The following PTPRN2 variants were observed in gnomAD, a reference collection of about 807,000 sequenced individuals.
PTPRN2 encodes the protein receptor-type tyrosine-protein phosphatase N2.
In PTPRN2, 74 loss-of-function variants were observed where a neutral mutation model predicts 118.8. That is an observed-to-expected ratio of 0.62 (90% CI 0.52 to 0.76). PTPRN2 has a LOEUF of 0.76. Among genes scored for constraint, PTPRN2 ranks in the 30% least tolerant of loss-of-function variants. PTPRN2 has a pLI of 0.00. For synonymous variants in PTPRN2, 641 were observed against 608.0 expected, an observed-to-expected ratio of 1.05 and a Z score of -0.80; for missense variants, 1,481 against 1,394.4, an observed-to-expected ratio of 1.06 and a Z score of -0.99.
intron 2 of PTPRN2, among the ~76,000 whole-genome samples, chr7:158,482,860 A>C (rs1333092308): frequency 1.3e-5 from 2 of 152,338 alleles, no homozygotes; most frequent in East Asian, 1.9e-4. Context: ...CGCTACCTCA[A>C]AATATGGCAG....
At chr7:157,883,523 G>A (rs1796282623) in intron 12 of PTPRN2, among the ~76,000 whole-genome samples, 1 of 144,598 alleles carries the variant, frequency 6.9e-6, no homozygotes, top group African/African-American at 2.6e-5. Flanking sequence ...GACTGTTGGA[G>A]ATCAGAACAC....
intron 11 of PTPRN2, among the ~76,000 whole-genome samples, chr7:157,991,905 CCAGCATCGGTCA>C (rs1804284839): frequency 6.6e-6 from 1 of 151,748 alleles, no homozygotes; most frequent in African/African-American, 2.4e-5. Flanking sequence ...AAAAAGGCTC[CCAGCATCGGTCA>C]CAGCCCGTGC....
At chr7:158,075,854 T>G (rs1309006289) in intron 11 of PTPRN2, among the ~76,000 whole-genome samples, 1 of 152,200 alleles carries the variant, frequency 6.6e-6, no homozygotes, top group Non-Finnish European at 1.5e-5. Flanking sequence ...GCCCCCAGCC[T>G]GCGTTGATCC....
chr7:158,530,979 CGGATGTGTGT>C (rs1825185641), intron 1 of PTPRN2, among the ~76,000 whole-genome samples: 1 of 152,054 alleles, frequency 6.6e-6, no homozygotes, highest in Non-Finnish European at 1.5e-5. Context: ...TATCTGTATG[CGGATGTGTGT>C]GGCCACATGT....
intron 2 of PTPRN2, among the ~76,000 whole-genome samples, chr7:158,446,454 G>A (rs960641658): frequency 1.7e-4 from 26 of 151,504 alleles, no homozygotes; most frequent in Non-Finnish European, 3.5e-4. Context: ...AGCTGCCCCC[G>A]GCAGGCAGGC....
chr7:158,387,605 A>AGGGG (rs1811587564), intron 2 of PTPRN2, among the ~76,000 whole-genome samples: 1 of 1,266 alleles, frequency 7.9e-4, no homozygotes, highest in Non-Finnish European at 2.1e-3. Context: ...CCGGGGATGC[A>AGGGG]GCTGAAGGCG....
At chr7:158,236,175 C>T (rs889141349) in intron 3 of PTPRN2, among the ~76,000 whole-genome samples, 3 of 152,194 alleles carry the variant, frequency 2.0e-5, no homozygotes, top group Admixed American at 1.3e-4. Context: ...CTGGTCATCG[C>T]AAACAGAGCC....
intron 2 of PTPRN2, among the ~76,000 whole-genome samples, chr7:158,366,314 C>A (rs1163673075): frequency 6.7e-6 from 1 of 149,218 alleles, no homozygotes; most frequent in East Asian, 2.0e-4. Flanking sequence ...TGCACGTGTG[C>A]AAATGCACAC....
In PTPRN2 at chr7:157,795,156, G is replaced by A. The variant is rs988023551; in HGVS notation, c.1788+103517C>T. Among the ~76,000 whole-genome samples, 8 of 140,266 alleles carry A rather than the reference G, an allele frequency of 5.7e-5. No individual in the cohort carries two copies. The South Asian group carries it at 1.2e-3, about 20-fold the overall frequency. The allele number at this position is 140,266 out of a possible 152,430, so 92.0% of individuals were successfully genotyped here. ...CTGTGCATCTAGGAGGCACTTCGGC[G>A]GGGTCGGGGGCGGGGGGGGCTCAAG... is the stretch of plus-strand genomic sequence containing the variant. On this transcript the variant is annotated intron_variant, in intron 12 of 22. Coordinates refer to ENST00000389418, the MANE Select transcript of PTPRN2 (RefSeq NM_002847.5).
chr7:157,616,827 G>T (rs1802802780), intron 15 of PTPRN2: 1 of 151,886 alleles, frequency 6.6e-6, no homozygotes, highest in Admixed American at 6.6e-5. Context: ...TCCTCTTAGG[G>T]GACTCTGTTT....
chr7:157,843,002 T>C (rs537429934), intron 12 of PTPRN2, among the ~76,000 whole-genome samples: 1 of 152,232 alleles, frequency 6.6e-6, no homozygotes, highest in Non-Finnish European at 1.5e-5. Context: ...ATCTCTAAAG[T>C]CATGCTCTGT....
In PTPRN2 at chr7:158,262,571, T is replaced by G. The variant is rs561005306; in HGVS notation, c.277+54248A>C. On this transcript the variant is annotated intron_variant, in intron 3 of 22. Coordinates refer to ENST00000389418, the MANE Select transcript of PTPRN2 (RefSeq NM_002847.5). ...CACACTGCACACACTACACACACAT[T>G]CACACACAGCACACACATTCACACA... Among the ~76,000 whole-genome samples, 307 of 101,720 alleles carry G rather than the reference T, an allele frequency of 3.0e-3. 1 individual carries two copies. The highest frequency in any genetic ancestry group is 0.012 in the African/African-American group (297 of 25,800). 66.7% of individuals were successfully genotyped at this position (101,720 alleles called of 152,430 possible). A position where few individuals can be genotyped will look rare whatever the true frequency, so the allele number is the denominator to read the frequency against.
chr7:158,136,281 AGTG>A (rs1462374530), intron 8 of PTPRN2, among the ~76,000 whole-genome samples: 2 of 152,226 alleles, frequency 1.3e-5, no homozygotes, highest in African/African-American at 4.8e-5. Context: ...GCCAGGTGTG[AGTG>A]AGCTGAACCC....
intron 12 of PTPRN2, among the ~76,000 whole-genome samples, chr7:157,856,998 G>T (rs1331100247): frequency 6.6e-6 from 1 of 152,018 alleles, no homozygotes; most frequent in Non-Finnish European, 1.5e-5. Context: ...TCCAAGCATT[G>T]CTGACAAGGG....
At chr7:157,946,835 G>A (rs951046813) in intron 11 of PTPRN2, among the ~76,000 whole-genome samples, 6 of 152,258 alleles carry the variant, frequency 3.9e-5, no homozygotes, top group African/African-American at 4.8e-5. Context: ...AAGCCATGAA[G>A]TACATGCACA....
chr7:158,418,251 T>C (rs529676242), intron 2 of PTPRN2, among the ~76,000 whole-genome samples: 1 of 151,612 alleles, frequency 6.6e-6, no homozygotes, highest in South Asian at 2.1e-4. Context: ...TGTCCCACTG[T>C]GTTGTCATGG....
chr7:157,894,976 C>T (rs1394394127), intron 12 of PTPRN2, among the ~76,000 whole-genome samples: 1 of 152,078 alleles, frequency 6.6e-6, no homozygotes, highest in Non-Finnish European at 1.5e-5. Flanking sequence ...ATTCACACTT[C>T]AGTATCACCA....
At position 157,540,606 on chromosome 7, in the gene PTPRN2, G is replaced by A. The variant is rs1797967134; in HGVS notation, c.*108C>T. 4.6e-6 allele frequency: 4 copies of A among 867,936 alleles called. No individual in the cohort carries two copies. Among genetic ancestry groups the A allele is most frequent in the Non-Finnish European group, 7.1e-6 (4 of 563,640 alleles). The allele number at this position is 867,936 out of a possible 1,614,324, so 53.8% of individuals were successfully genotyped here. On this transcript the variant is annotated 3_prime_UTR_variant, in exon 23 of 23. Coordinates refer to ENST00000389418, the MANE Select transcript of PTPRN2 (RefSeq NM_002847.5). ...TGCGCTGACTACGGGAGAGCTAAGG[G>A]CCCTATTACTATGCAGTTATAATAG... is the stretch of plus-strand genomic sequence containing the variant.
chr7:157,669,439 A>G, intron 13 of PTPRN2: 1 of 455,484 alleles, frequency 2.2e-6, no homozygotes, highest in South Asian at 1.6e-5. Flanking sequence ...ACACACACAC[A>G]CCCAGGGGAG....
Sources: allele counts gnomAD v4.1 joint callset (sites outside exome capture counted in the v4.1 genomes callset), GRCh38; gene constraint gnomAD v4.1.1; transcripts MANE v1.5; gene names NCBI Gene and HGNC (gene_info 2026-07-23, HGNC 2026-07-21).